Variants in NKAIN3 observed in about 807,000 individuals in gnomAD.
The protein encoded by NKAIN3 is sodium/potassium transporting ATPase interacting 3.
NKAIN3 carries 25 observed loss-of-function variants against 30.2 expected under a neutral mutation model. That is an observed-to-expected ratio of 0.83 (90% CI 0.60 to 1.16). The LOEUF (loss-of-function observed/expected upper bound fraction) is 1.16, where lower values mean the gene tolerates loss of function less well. Among genes scored for constraint, NKAIN3 ranks in the 50% most tolerant of loss-of-function variants. The probability of loss-of-function intolerance (pLI) is 0.00; values close to 1 mark genes in which losing one functional copy is unlikely to be tolerated. For missense variants in NKAIN3, 225 were observed against 254.1 expected, an observed-to-expected ratio of 0.89 and a Z score of 0.78; for synonymous variants, 91 against 89.6, an observed-to-expected ratio of 1.02 and a Z score of -0.09.
At chr8:62,833,831 C>G (rs552997224) in intron 4 of NKAIN3, among the ~76,000 whole-genome samples, 1 of 151,920 alleles carries the variant, frequency 6.6e-6, no homozygotes, top group Non-Finnish European at 1.5e-5. Context: ...TTTATAAAGC[C>G]AGCATTACCC....
chr8:62,553,465 C>T (rs1809284147), intron 1 of NKAIN3, among the ~76,000 whole-genome samples: 1 of 151,776 alleles, frequency 6.6e-6, no homozygotes, highest in South Asian at 2.1e-4. Flanking sequence ...AACCTTGCAT[C>T]TTACAGTACA....
intron 1 of NKAIN3, among the ~76,000 whole-genome samples, chr8:62,487,459 T>C (rs1028430023): frequency 2.0e-5 from 3 of 152,204 alleles, no homozygotes; most frequent in Non-Finnish European, 4.4e-5. Context: ...CTTGGGCTGA[T>C]TTCTAAAATG....
intron 1 of NKAIN3, among the ~76,000 whole-genome samples, chr8:62,345,307 ATATATACACACATATATACACATATATG>A (rs1815899856): frequency 8.5e-6 from 1 of 117,354 alleles, no homozygotes; most frequent in African/African-American, 2.8e-5. Flanking sequence ...ATATATATGT[ATATATACACACATATATACACATATATG>A]TATATATACA....
At chr8:62,807,004 T>C (rs948389420) in intron 4 of NKAIN3, among the ~76,000 whole-genome samples, 2 of 151,978 alleles carry the variant, frequency 1.3e-5, no homozygotes, top group African/African-American at 4.8e-5. Context: ...CCCAAAATCA[T>C]AACTAGAATA....
At chr8:62,902,690 A>G (rs547016785) in intron 4 of NKAIN3, among the ~76,000 whole-genome samples, 1 of 152,182 alleles carries the variant, frequency 6.6e-6, no homozygotes, top group Non-Finnish European at 1.5e-5. Flanking sequence ...TAAATATTAG[A>G]TGGAACTTTT....
chr8:62,639,215 G>T (rs1383148541), intron 3 of NKAIN3, among the ~76,000 whole-genome samples: 1 of 152,152 alleles, frequency 6.6e-6, no homozygotes, highest in African/African-American at 2.4e-5. Flanking sequence ...GCTTTGGGAA[G>T]AAGCTTCCAG....
intron 1 of NKAIN3, among the ~76,000 whole-genome samples, chr8:62,392,321 C>A (rs1325353054): frequency 6.6e-6 from 1 of 151,964 alleles, no homozygotes; most frequent in Non-Finnish European, 1.5e-5. Context: ...ATTTTGGTAA[C>A]TATAAACTTT....
At chr8:62,496,942 C>T (rs559084665) in intron 1 of NKAIN3, among the ~76,000 whole-genome samples, 11 of 152,150 alleles carry the variant, frequency 7.2e-5, no homozygotes, top group South Asian at 2.1e-4. Context: ...ATAACTACAG[C>T]GGCTATGCTT....
intron 1 of NKAIN3, among the ~76,000 whole-genome samples, chr8:62,545,654 A>G (rs1215365815): frequency 6.6e-6 from 1 of 152,198 alleles, no homozygotes; most frequent in African/African-American, 2.4e-5. Context: ...TAAAGACTGC[A>G]TGGAATTGAT....
chr8:62,845,560 T>TTTA (rs1288586406), intron 4 of NKAIN3, among the ~76,000 whole-genome samples: 1 of 151,938 alleles, frequency 6.6e-6, no homozygotes, highest in East Asian at 1.9e-4. Flanking sequence ...AAACTCTAAA[T>TTTA]AACTGATGTA....
chr8:62,371,349 G>T (rs1294444861), intron 1 of NKAIN3, among the ~76,000 whole-genome samples: 2 of 151,762 alleles, frequency 1.3e-5, no homozygotes, highest in African/African-American at 4.8e-5. Flanking sequence ...GTTTTTATAT[G>T]CATAGTAAGA....
chr8:62,710,603 A>T (rs1426997337), intron 3 of NKAIN3, among the ~76,000 whole-genome samples: 1 of 152,130 alleles, frequency 6.6e-6, no homozygotes, highest in Admixed American at 6.6e-5. Flanking sequence ...TTTTAAGTTC[A>T]TGTGAGTCCT....
intron 4 of NKAIN3, among the ~76,000 whole-genome samples, chr8:62,805,182 C>T (rs1480540398): frequency 6.6e-6 from 1 of 151,862 alleles, no homozygotes; most frequent in African/African-American, 2.4e-5. Context: ...ACATTCCATG[C>T]TCATGGGTAG....
intron 3 of NKAIN3, among the ~76,000 whole-genome samples, chr8:62,598,056 G>C (rs1033936417): frequency 6.6e-6 from 1 of 151,970 alleles, no homozygotes; most frequent in Non-Finnish European, 1.5e-5. Flanking sequence ...TAATATTCTT[G>C]GGTATCACTT....
chr8:62,761,243 G>T (rs1816652382), intron 4 of NKAIN3, among the ~76,000 whole-genome samples: 1 of 152,096 alleles, frequency 6.6e-6, no homozygotes, highest in South Asian at 2.1e-4. Flanking sequence ...GGAAAACTGT[G>T]CTGCAAAGTA....
chr8:62,869,956 G>A (rs995573465), intron 4 of NKAIN3, among the ~76,000 whole-genome samples: 2 of 151,724 alleles, frequency 1.3e-5, no homozygotes, highest in Admixed American at 6.6e-5. Flanking sequence ...ATTTTTAGTA[G>A]AGACGGGGTT....
chr8:62,345,588 CACACATATAT>C (rs928958157), intron 1 of NKAIN3, among the ~76,000 whole-genome samples: 1 of 126,108 alleles, frequency 7.9e-6, no homozygotes, highest in Admixed American at 8.3e-5. Flanking sequence ...TATGTATATA[CACACATATAT>C]ACACATATAT....
intron 1 of NKAIN3, among the ~76,000 whole-genome samples, chr8:62,480,279 C>CA (rs138053713): frequency 3.0e-4 from 45 of 151,818 alleles, no homozygotes; most frequent in African/African-American, 1.1e-3. Context: ...TCACCACACA[C>CA]AAAAAAATGA....
intron 6 of NKAIN3, among the ~76,000 whole-genome samples, chr8:62,960,510 CT>C (rs1442981606): frequency 1.3e-5 from 2 of 151,212 alleles, no homozygotes; most frequent in Non-Finnish European, 2.9e-5. Flanking sequence ...ACCACCACCC[CT>C]GAAAAAAAAA....
Sources: gnomAD v4.1 joint callset for allele counts (sites outside exome capture counted in the v4.1 genomes callset) on GRCh38, gnomAD v4.1.1 for gene constraint, MANE v1.5 for transcripts, NCBI Gene and HGNC (gene_info 2026-07-23, HGNC 2026-07-21) for gene names.